The following TECR variants were observed in gnomAD, a reference collection of about 807,000 sequenced individuals.
The protein encoded by TECR is trans-2,3-enoyl-CoA reductase, also known as very-long-chain enoyl-CoA reductase.
A neutral mutation model predicts 50.6 loss-of-function variants in TECR; 19 were observed. That is an observed-to-expected ratio of 0.38 (90% CI 0.26 to 0.55). TECR has a LOEUF of 0.55. Ranked by LOEUF, TECR falls within the 20% of genes least tolerant of loss-of-function variation. The pLI is 0.79. For missense variants in TECR, 313 were observed against 408.3 expected (o/e 0.77, Z 2.01); for synonymous variants, 168 against 163.5 (o/e 1.03, Z -0.21).
intron 1 of TECR, chr19:14,531,302 A>C (rs2072648127): frequency 6.6e-6 from 1 of 151,856 alleles, no homozygotes; most frequent in Non-Finnish European, 1.5e-5. Flanking sequence ...CTCCCAAAGT[A>C]CTGGGATTAC....
intron 1 of TECR, 141 bp from the exon 2 acceptor site, chr19:14,562,384 G>A: frequency 1.2e-6 from 1 of 847,794 alleles, no homozygotes; most frequent in Non-Finnish European, 2.0e-6. Context: ...GGCAGGGCTG[G>A]TGGCAGGCGG....
intron 1 of TECR, among the ~76,000 whole-genome samples, chr19:14,534,217 C>T (rs1468455622): frequency 4.0e-5 from 6 of 151,694 alleles, no homozygotes; most frequent in South Asian, 2.1e-4. Context: ...CTCCGCCTCC[C>T]GGGTTCACGC....
At chr19:14,529,579 C>A, upstream of TECR, 2 of 1,505,852 alleles carry the variant, frequency 1.3e-6, no homozygotes, top group Non-Finnish European at 1.8e-6. Context: ...AGGGGCGGGG[C>A]GGACGCAGAG....
intron 1 of TECR, among the ~76,000 whole-genome samples, chr19:14,547,968 T>C (rs1399826193): frequency 1.3e-5 from 2 of 149,916 alleles, no homozygotes. Flanking sequence ...CATTTCTTTT[T>C]TTTTTTTTTT....
chr19:14,557,167 T>C (rs1489230733), intron 1 of TECR, among the ~76,000 whole-genome samples: 1 of 144,336 alleles, frequency 6.9e-6, no homozygotes, highest in Non-Finnish European at 1.5e-5. Flanking sequence ...TGAGACAGGG[T>C]CTTGCTGTGT....
chr19:14,540,189 A>T (rs2146571549), intron 1 of TECR, among the ~76,000 whole-genome samples: 2 of 151,832 alleles, frequency 1.3e-5, no homozygotes, highest in Non-Finnish European at 2.9e-5. Flanking sequence ...CCTCCCGAGT[A>T]GCTGGGAGTA....
rs373933652 is a variant in TECR at position 14,550,265 on chromosome 19, C to T, written c.16-12260C>T. ...ATGATTCGTGTTGAGGATGAGCCTC[C>T]GTGCCTGGCTGGTTGTGAGTGGGCG... On this transcript the variant is annotated intron_variant, in intron 1 of 12. Coordinates refer to ENST00000215567, the MANE Select transcript of TECR (RefSeq NM_138501.6). Among the ~76,000 whole-genome samples the T allele has an allele frequency of 2.8e-4, 42 of 152,184 alleles. 2 individuals carry two copies. Among genetic ancestry groups the T allele is most frequent in the East Asian group, 9.7e-4 (5 of 5,180 alleles).
chr19:14,540,471 C>T (rs1018472152), intron 1 of TECR, among the ~76,000 whole-genome samples: 1 of 151,490 alleles, frequency 6.6e-6, no homozygotes, highest in Non-Finnish European at 1.5e-5. Context: ...TGGCTCTCTG[C>T]AACCTCTGCG....
rs908596361 is a variant in TECR, at chr19:14,540,379, TTTTA to T, written c.15+10679_15+10682del. Among the ~76,000 whole-genome samples, 3 of 150,726 alleles carry T rather than the reference TTTTA, an allele frequency of 2.0e-5. No individual in the cohort carries two copies. The Admixed American group carries it at 2.0e-4, about 10-fold the overall frequency. On this transcript the variant is annotated intron_variant, in intron 1 of 12. Transcript: ENST00000215567. ...CACTGTGCCTGGCTAATTTTTGTATTTTTATTTATTTATTAAAAAATGTGTGTTT... is the reference window on the plus strand; with the variant it reads ...CACTGTGCCTGGCTAATTTTTGTATTTTTATTTATTAAAAAATGTGTGTTT...
Position 14,565,760 on chromosome 19 carries a change from G to A in TECR, c.816G>A (p.Leu272=), listed in dbSNP as rs1239877947. Residue 272 remains leucine (L), a synonymous_variant, in exon 13 of 13, where the codon CTG becomes CTA. Coordinates refer to ENST00000215567, the MANE Select transcript of TECR (RefSeq NM_138501.6). ...TTCCTGCAGTGGCCCTGTTCTCCCT[G>A]GTGGGCTTCACCCAGATGACCATCT... ...TQCLPVALFS[L]VGFTQMTIWA... 6.2e-7 allele frequency: 1 copy of A among 1,611,864 alleles called. No individual in the cohort carries two copies. The highest frequency in any genetic ancestry group is 1.1e-5 in the South Asian group (1 of 90,912).
chr19:14,540,000 C>T (rs1433737877), intron 1 of TECR, among the ~76,000 whole-genome samples: 1 of 151,888 alleles, frequency 6.6e-6, no homozygotes, highest in Non-Finnish European at 1.5e-5. Flanking sequence ...CTGCCTCAGC[C>T]TCCTGAGTAG....
chr19:14,529,636 T>C lies in TECR; in HGVS notation c.-61T>C. On this transcript the variant is annotated 5_prime_UTR_variant, in exon 1 of 13. Transcript: ENST00000215567. Reference sequence around the variant, plus strand: ...GGTTGCGAGCGCTGTAGGGAGCCTGTGCTGTGCCGCGCAGTTAGGCAGCAG... The same window carrying C: ...GGTTGCGAGCGCTGTAGGGAGCCTGCGCTGTGCCGCGCAGTTAGGCAGCAG... 6.2e-7 allele frequency: 1 copy of C among 1,613,206 alleles called. No individual in the cohort carries two copies. The highest frequency in any genetic ancestry group is 1.1e-5 in the South Asian group (1 of 91,074).
rs1297888754 is a variant in TECR at position 14,563,099 on chromosome 19, C to G, written c.67-107C>G. 4.9e-6 allele frequency: 7 copies of G among 1,432,164 alleles called. No individual in the cohort carries two copies. Among genetic ancestry groups the G allele is most frequent in the Non-Finnish European group, 5.8e-6 (6 of 1,030,710 alleles). 88.7% of individuals were successfully genotyped at this position (1,432,164 alleles called of 1,614,324 possible). ...GCCTGGACCCCAGCCCTTCCCCCTT[C>G]CCATAGCTACAGCCCAACCCCCAGC... On this transcript the variant is annotated intron_variant, in intron 2 of 12. Transcript: ENST00000215567. This position sits in a 1 kb window ranked among gnomAD's most constrained non-coding sequence, Gnocchi z 5.3.
rs35585506 is a variant in TECR, at chr19:14,546,271, A to ATT, written c.16-16244_16-16243dup. Among the ~76,000 whole-genome samples, 15 of 148,998 alleles carry ATT rather than the reference A, an allele frequency of 1.0e-4. No homozygotes were observed. The South Asian group carries it at 1.5e-3, about 15-fold the overall frequency. On this transcript the variant is annotated intron_variant, in intron 1 of 12. Coordinates refer to ENST00000215567, the MANE Select transcript of TECR (RefSeq NM_138501.6). ...ACTCAGAAGGAATTCTAGATTTGGG[A>ATT]TTTTTTTTTTTGCTCTGAGAAAACT...
chr19:14,529,512 A>G (rs1338335867), upstream of TECR: 1 of 773,556 alleles, frequency 1.3e-6, no homozygotes, highest in Non-Finnish European at 2.3e-6. Context: ...CCCAAGGAGC[A>G]GGGGCGAACG....
At chr19:14,547,240 T>C (rs975827565) in intron 1 of TECR, among the ~76,000 whole-genome samples, 3 of 152,244 alleles carry the variant, frequency 2.0e-5, no homozygotes, top group Non-Finnish European at 2.9e-5. Flanking sequence ...TAAATGTTTA[T>C]GTAAAATTTT....
At chr19:14,536,227 G>A (rs918360683) in intron 1 of TECR, among the ~76,000 whole-genome samples, 3 of 151,240 alleles carry the variant, frequency 2.0e-5, no homozygotes, top group African/African-American at 7.3e-5. Flanking sequence ...CACTGACAAG[G>A]TTTGGAGCCC....
chr19:14,541,220 T>C (rs1416623136), intron 1 of TECR, among the ~76,000 whole-genome samples: 1 of 152,098 alleles, frequency 6.6e-6, no homozygotes, highest in Non-Finnish European at 1.5e-5. Flanking sequence ...TCAAGTGATC[T>C]CCTGCCTCAG....
intron 10 of TECR, 28 bp from the exon 11 acceptor site, chr19:14,565,174 G>C: frequency 9.3e-6 from 15 of 1,613,846 alleles, no homozygotes; most frequent in Non-Finnish European, 1.3e-5. Flanking sequence ...GAGGGGGTCT[G>C]ACTTTCTCCT....
Sources: allele counts gnomAD v4.1 joint callset (sites outside exome capture counted in the v4.1 genomes callset), GRCh38; gene constraint gnomAD v4.1.1; non-coding constraint Gnocchi (gnomAD v3.1); transcripts MANE v1.5; gene names NCBI Gene and HGNC (gene_info 2026-07-23, HGNC 2026-07-21).